Variants in NELL1 observed in about 807,000 individuals in gnomAD.
The protein encoded by NELL1 is protein kinase C-binding protein NELL1.
A neutral mutation model predicts 107.4 loss-of-function variants in NELL1; 76 were observed. The ratio of observed to expected loss-of-function variants is 0.71; its 90% CI spans 0.59 to 0.86. The LOEUF is 0.86. Among genes scored for constraint, NELL1 ranks in the 40% least tolerant of loss-of-function variants. The pLI is 0.00. For synonymous variants in NELL1, 353 were observed against 341.2 expected, an observed-to-expected ratio of 1.03 and a Z score of -0.38; for missense variants, 1,024 against 1,005.5, an observed-to-expected ratio of 1.02 and a Z score of -0.25.
intron 15 of NELL1, among the ~76,000 whole-genome samples, chr11:21,463,795 G>A (rs532964980): frequency 6.6e-6 from 1 of 152,210 alleles, no homozygotes; most frequent in East Asian, 1.9e-4. Flanking sequence ...CCAACTAGAG[G>A]TGGCTTGTCT....
chr11:21,496,535 G>A (rs576447572), intron 15 of NELL1, among the ~76,000 whole-genome samples: 6 of 150,626 alleles, frequency 4.0e-5, no homozygotes, highest in South Asian at 2.1e-4. Context: ...TCAGCCTCCC[G>A]AGTAGCTGGG....
At chr11:21,153,216 A>C (rs1856157138) in intron 13 of NELL1, among the ~76,000 whole-genome samples, 1 of 152,180 alleles carries the variant, frequency 6.6e-6, no homozygotes, top group Admixed American at 6.6e-5. Flanking sequence ...TGATTTAACC[A>C]GATGGACCAT....
intron 14 of NELL1, among the ~76,000 whole-genome samples, chr11:21,358,421 G>A (rs1413505976): frequency 2.0e-5 from 3 of 151,522 alleles, no homozygotes; most frequent in Non-Finnish European, 4.4e-5. Flanking sequence ...TTTTTTTGAG[G>A]CAGAGTCTTG....
chr11:20,958,395 A>G (rs1330599530), intron 11 of NELL1, among the ~76,000 whole-genome samples: 1 of 152,212 alleles, frequency 6.6e-6, no homozygotes, highest in Non-Finnish European at 1.5e-5. Context: ...CCTGGGCAAC[A>G]GAGTGAGACT....
At chr11:20,921,548 A>G (rs925049846) in intron 7 of NELL1, among the ~76,000 whole-genome samples, 2 of 152,130 alleles carry the variant, frequency 1.3e-5, no homozygotes, top group Admixed American at 1.3e-4. Flanking sequence ...GAGAGATAAA[A>G]GCTATAAATA....
At chr11:21,013,366 G>A (rs1002248329) in intron 12 of NELL1, among the ~76,000 whole-genome samples, 1 of 152,082 alleles carries the variant, frequency 6.6e-6, no homozygotes, top group Non-Finnish European at 1.5e-5. Flanking sequence ...GCTCCAGGAA[G>A]ATTAGAGCTG....
At chr11:21,261,192 T>C (rs958801442) in intron 14 of NELL1, among the ~76,000 whole-genome samples, 3 of 146,726 alleles carry the variant, frequency 2.0e-5, no homozygotes, top group African/African-American at 7.4e-5. Context: ...GAAATGGCCT[T>C]TTTTTTTTTT....
rs536631767 is a variant in NELL1, at chr11:21,217,684, T to A, written c.1427-11648T>A. ...TCATCTATAAAATGTTACTGATAGA[T>A]AAAATCTGCTTGTCATGTCCTAGTC... On this transcript the variant is annotated intron_variant, in intron 13 of 19. Coordinates refer to ENST00000357134, the MANE Select transcript of NELL1 (RefSeq NM_006157.5). Among the ~76,000 whole-genome samples the A allele has an allele frequency of 3.3e-5, 5 of 152,210 alleles. No individual in the cohort carries two copies. In the South Asian group the frequency reaches 8.3e-4, roughly 25 times the overall value.
chr11:21,133,359 C>T (rs889623274), intron 13 of NELL1, among the ~76,000 whole-genome samples: 1 of 152,136 alleles, frequency 6.6e-6, no homozygotes, highest in Non-Finnish European at 1.5e-5. Flanking sequence ...ACAGCCCAGC[C>T]CCCAGGCTTC....
At chr11:21,490,440 CT>C (rs1466097645) in intron 15 of NELL1, among the ~76,000 whole-genome samples, 2 of 117,074 alleles carry the variant, frequency 1.7e-5, no homozygotes, top group African/African-American at 6.6e-5. Context: ...AAAATCAATT[CT>C]AAAATGTGTA....
At chr11:21,147,682 C>T (rs1856012121) in intron 13 of NELL1, among the ~76,000 whole-genome samples, 1 of 151,176 alleles carries the variant, frequency 6.6e-6, no homozygotes, top group Admixed American at 6.6e-5. Flanking sequence ...ACTAAAAATA[C>T]AAAATTAGCC....
At chr11:20,759,733 G>T (rs1011916172) in intron 2 of NELL1, among the ~76,000 whole-genome samples, 19 of 152,148 alleles carry the variant, frequency 1.2e-4, no homozygotes, top group African/African-American at 4.6e-4. Context: ...AGGGTGCTGC[G>T]CCTGATTGGC....
At chr11:21,495,470 T>C (rs968365471) in intron 15 of NELL1, among the ~76,000 whole-genome samples, 2 of 152,172 alleles carry the variant, frequency 1.3e-5, no homozygotes, top group Non-Finnish European at 2.9e-5. Context: ...ACTAATATTA[T>C]GTACCAGTAT....
chr11:21,129,562 ATAT>A (rs945804117), intron 13 of NELL1, among the ~76,000 whole-genome samples: 2 of 152,180 alleles, frequency 1.3e-5, no homozygotes, highest in African/African-American at 4.8e-5. Context: ...ATATAATGGA[ATAT>A]TATTCCGTTT....
intron 12 of NELL1, among the ~76,000 whole-genome samples, chr11:20,967,009 A>G (rs1316984863): frequency 6.6e-6 from 1 of 152,212 alleles, no homozygotes; most frequent in Non-Finnish European, 1.5e-5. Context: ...GGCAATGGTC[A>G]GGATGGAACT....
chr11:20,731,050 A>G (rs1855627296), intron 2 of NELL1, among the ~76,000 whole-genome samples: 1 of 151,068 alleles, frequency 6.6e-6, no homozygotes, highest in African/African-American at 2.4e-5. Context: ...TCCAGAAGCC[A>G]GTGGAGAGTT....
chr11:21,223,942 T>C (rs1857827115), intron 13 of NELL1, among the ~76,000 whole-genome samples: 1 of 152,196 alleles, frequency 6.6e-6, no homozygotes. Flanking sequence ...TGTATAGGTT[T>C]CTTTGGTGGC....
At chr11:20,872,696 G>GTGTA (rs1849227452) in intron 4 of NELL1, among the ~76,000 whole-genome samples, 1 of 151,518 alleles carries the variant, frequency 6.6e-6, no homozygotes, top group Non-Finnish European at 1.5e-5. Context: ...GTGTGTGTGT[G>GTGTA]TGTGTGTGTG....
intron 12 of NELL1, among the ~76,000 whole-genome samples, chr11:21,096,286 G>T (rs1390506626): frequency 6.6e-6 from 1 of 152,036 alleles, no homozygotes; most frequent in Non-Finnish European, 1.5e-5. Flanking sequence ...TTATTGCATT[G>T]TAAAAAAACG....
Sources: gnomAD v4.1 joint callset for allele counts (sites outside exome capture counted in the v4.1 genomes callset) on GRCh38, gnomAD v4.1.1 for gene constraint, MANE v1.5 for transcripts, NCBI Gene and HGNC (gene_info 2026-07-23, HGNC 2026-07-21) for gene names.